Variants in ANO1 observed in about 807,000 individuals in gnomAD.
ANO1 encodes the protein anoctamin-1.
In ANO1, 59 loss-of-function variants were observed where a neutral mutation model predicts 124.0. The observed-to-expected ratio is 0.48, with a 90% confidence interval of 0.39 to 0.59. ANO1 has a LOEUF of 0.59. ANO1 is among the 20% of genes least tolerant of loss of function. The pLI is 0.00. For missense variants in ANO1, 1,059 were observed against 1,328.0 expected (o/e 0.80, Z 3.15); for synonymous variants, 529 against 532.0 (o/e 0.99, Z 0.08).
chr11:70,072,511 A>G (rs1201655665), intron 1 of ANO1: 1 of 152,232 alleles, frequency 6.6e-6, no homozygotes, highest in African/African-American at 2.4e-5. Flanking sequence ...TCCTATAAAG[A>G]TAACTGAGCC....
rs913609810 is a variant in ANO1, at chr11:70,014,532, C to T, written c.58+28366C>T. On this transcript the variant is annotated intron_variant, in intron 1 of 27. Coordinates refer to the ANO1 transcript ENST00000531349. ...CTCTTGCACTTGGGAGTCCACCACA[C>T]GTGGCCTGCCCAGGCTGCTGCTGCT... Among the ~76,000 whole-genome samples the T allele has an allele frequency of 7.9e-5, 12 of 152,142 alleles. 1 individual carries two copies. Among genetic ancestry groups the T allele is most frequent in the Non-Finnish European group, 1.5e-4 (10 of 68,032 alleles).
At chr11:70,005,864 T>C (rs1411213574) in intron 1 of ANO1, among the ~76,000 whole-genome samples, 2 of 152,196 alleles carry the variant, frequency 1.3e-5, no homozygotes, top group Non-Finnish European at 2.9e-5. Context: ...TCATTTTTAG[T>C]AGTAATTACG....
At chr11:70,019,519 C>T (rs1856763817) in intron 1 of ANO1, among the ~76,000 whole-genome samples, 1 of 151,872 alleles carries the variant, frequency 6.6e-6, no homozygotes, top group Non-Finnish European at 1.5e-5. Context: ...AGCCGGCTCA[C>T]CCAATTCACA....
At chr11:70,116,775 C>T (rs148980879) in intron 8 of ANO1, among the ~76,000 whole-genome samples, 25 of 152,280 alleles carry the variant, frequency 1.6e-4, no homozygotes, top group African/African-American at 6.0e-4. Context: ...CCTCCCAGAG[C>T]CCACTCCTTG....
At chr11:70,023,021 T>C (rs901352759) in intron 1 of ANO1, among the ~76,000 whole-genome samples, 16 of 152,308 alleles carry the variant, frequency 1.1e-4, no homozygotes, top group African/African-American at 3.4e-4. Flanking sequence ...AGGTGGCCTC[T>C]AGAAGCTGGA....
chr11:69,971,770 C>G, the ANO1 span, among the ~76,000 whole-genome samples: 1 of 152,102 alleles, frequency 6.6e-6, no homozygotes, highest in Admixed American at 6.5e-5. Flanking sequence ...CTTTGACACC[C>G]AGTAGGGGTG....
At chr11:70,176,783 T>A (rs1348805110) in intron 22 of ANO1, among the ~76,000 whole-genome samples, 1 of 152,146 alleles carries the variant, frequency 6.6e-6, no homozygotes, top group Admixed American at 6.5e-5. Flanking sequence ...ATTCAAATGG[T>A]TCGGGGGACC....
intron 1 of ANO1, among the ~76,000 whole-genome samples, chr11:70,021,634 C>T (rs1555002641): frequency 6.6e-6 from 1 of 152,168 alleles, no homozygotes; most frequent in African/African-American, 2.4e-5. Flanking sequence ...CTTCCTGGTC[C>T]CTCTCTTCCT....
intron 11 of ANO1, among the ~76,000 whole-genome samples, chr11:70,138,766 TGCA>T (rs1163089300): frequency 1.3e-5 from 2 of 152,186 alleles, no homozygotes; most frequent in Non-Finnish European, 2.9e-5. Context: ...TTTTTTTAGT[TGCA>T]GTTTTTTTTT....
intron 1 of ANO1, among the ~76,000 whole-genome samples, chr11:70,043,599 T>C (rs1555005288): frequency 6.6e-6 from 1 of 152,088 alleles, no homozygotes; most frequent in Non-Finnish European, 1.5e-5. Flanking sequence ...GGACATATTA[T>C]GTAGGGGAAG....
chr11:70,182,308 A>C (rs1430318426), intron 23 of ANO1, among the ~76,000 whole-genome samples, 194 bp from the exon 24 acceptor site: 1 of 152,218 alleles, frequency 6.6e-6, no homozygotes, highest in Non-Finnish European at 1.5e-5. Context: ...TTCAGCTGCC[A>C]GGGGGCTGAG....
intron 1 of ANO1, chr11:70,085,460 G>C: frequency 1.3e-6 from 2 of 1,535,746 alleles, no homozygotes; most frequent in Non-Finnish European, 1.7e-6. Context: ...GCACAGCGGG[G>C]CCCTGTGTTA....
chr11:70,105,682 A>G, intron 4 of ANO1, 52 bp from the exon 5 acceptor site: 1 of 1,567,608 alleles, frequency 6.4e-7, no homozygotes, highest in Non-Finnish European at 8.8e-7. Context: ...AAACCCAGAG[A>G]ACTGCCAGCT....
chr11:70,018,062 A>T (rs1485043560), intron 1 of ANO1, among the ~76,000 whole-genome samples: 1 of 151,998 alleles, frequency 6.6e-6, no homozygotes, highest in Non-Finnish European at 1.5e-5. Context: ...TTTGCTCAAA[A>T]CTTATGAAGA....
chr11:70,149,530 A>C lies in ANO1; in HGVS notation c.1259-180A>C, dbSNP rs2047515019. 2.9e-5 allele frequency: 17 copies of C among 589,514 alleles called. No homozygotes were observed. In the East Asian group the frequency reaches 5.2e-4, roughly 18 times the overall value. The allele number at this position is 589,514 out of a possible 1,614,324, so 36.5% of individuals were successfully genotyped here. The stretch of plus-strand genomic sequence containing the variant: ...GCTGGGTGTGGTGGCGCATGCCTGT[A>C]ATCCCAGCTACTCGGGAGGCTGAGG... On this transcript the variant is annotated intron_variant, in intron 11 of 25. Coordinates refer to ENST00000355303, the MANE Select transcript of ANO1 (RefSeq NM_018043.7).
chr11:70,172,003 C>T (rs1478358204), intron 22 of ANO1, among the ~76,000 whole-genome samples: 5 of 151,622 alleles, frequency 3.3e-5, no homozygotes, highest in Non-Finnish European at 5.9e-5. Context: ...ACCTGTGGTC[C>T]CAGCTACTTG....
chr11:70,038,306 T>G (rs531792585), intron 1 of ANO1, among the ~76,000 whole-genome samples: 1 of 152,244 alleles, frequency 6.6e-6, no homozygotes, highest in East Asian at 1.9e-4. Context: ...CTTTGCCTAT[T>G]TAGAAAAGTT....
chr11:70,156,894 G>A, intron 15 of ANO1, 53 bp from the exon 16 acceptor site: 1 of 1,533,474 alleles, frequency 6.5e-7, no homozygotes, highest in South Asian at 1.1e-5. Flanking sequence ...GACACACAGA[G>A]ATGTCTCATC....
At chr11:69,979,105 G>T in the ANO1 span, among the ~76,000 whole-genome samples, 25 of 152,172 alleles carry the variant, frequency 1.6e-4, no homozygotes, top group Non-Finnish European at 3.2e-4. Flanking sequence ...ATGCTGAGAG[G>T]CCTCCCTTGA....
Sources: allele counts gnomAD v4.1 joint callset (sites outside exome capture counted in the v4.1 genomes callset), GRCh38; gene constraint gnomAD v4.1.1; transcripts MANE v1.5; gene names NCBI Gene and HGNC (gene_info 2026-07-23, HGNC 2026-07-21).